MCTP1: variants seen among roughly 807,000 people sequenced by gnomAD.
The protein encoded by MCTP1 is multiple C2 and transmembrane domain containing 1, also known as multiple C2 and transmembrane domain-containing protein 1.
A neutral mutation model predicts 120.6 loss-of-function variants in MCTP1; 69 were observed. The observed-to-expected ratio is 0.57, with a 90% confidence interval of 0.47 to 0.70. The LOEUF is 0.70. Ranked by LOEUF, MCTP1 falls within the 30% of genes least tolerant of loss-of-function variation. The probability of loss-of-function intolerance (pLI) is 0.00; values close to 1 mark genes in which losing one functional copy is unlikely to be tolerated. For synonymous variants in MCTP1, 529 were observed against 493.1 expected (o/e 1.07, Z -0.96); for missense variants, 1,203 against 1,248.8 (o/e 0.96, Z 0.55).
Position 94,705,014 on chromosome 5 carries a change from GAATATA to G in MCTP1, c.*2476_*2481del, listed in dbSNP as rs917530691. ...ACAACGAATGTCAGTAATAGTTTATGAATATAAATAATGACTCAGTGAATTTACTCA... is the reference window on the plus strand; with the variant it reads ...ACAACGAATGTCAGTAATAGTTTATGAATAATGACTCAGTGAATTTACTCA... On this transcript the variant is annotated 3_prime_UTR_variant, in exon 23 of 23. Coordinates refer to ENST00000515393, the MANE Select transcript of MCTP1 (RefSeq NM_024717.7). 2 of 151,262 alleles carry G rather than the reference GAATATA, an allele frequency of 1.3e-5. No individual in the cohort carries two copies. The highest frequency in any genetic ancestry group is 4.8e-5 in the African/African-American group (2 of 41,296). The allele number at this position is 151,262 out of a possible 1,614,324, so 9.4% of individuals were successfully genotyped here.
At chr5:95,209,526 T>G (rs1448223317) in intron 1 of MCTP1, among the ~76,000 whole-genome samples, 1 of 152,182 alleles carries the variant, frequency 6.6e-6, no homozygotes, top group Non-Finnish European at 1.5e-5. Flanking sequence ...CAAGATTCCA[T>G]AGCACAACTT....
At chr5:94,776,424 G>C (rs1161523024) in intron 19 of MCTP1, among the ~76,000 whole-genome samples, 1 of 152,056 alleles carries the variant, frequency 6.6e-6, no homozygotes, top group African/African-American at 2.4e-5. Flanking sequence ...CTCTCATTCT[G>C]TGCCACGTAA....
intron 18 of MCTP1, among the ~76,000 whole-genome samples, chr5:94,786,357 TAA>T (rs1777681319): frequency 6.6e-6 from 1 of 152,196 alleles, no homozygotes; most frequent in Non-Finnish European, 1.5e-5. Context: ...CAAAAAATCA[TAA>T]AGTCAGAAAA....
chr5:94,930,295 A>G, intron 6 of MCTP1, among the ~76,000 whole-genome samples: 1 of 113,260 alleles, frequency 8.8e-6, no homozygotes, highest in African/African-American at 3.3e-5. Context: ...TTTTTTTGAG[A>G]CAGAGTCTCA....
At chr5:94,748,455 C>G (rs568398666) in intron 19 of MCTP1, among the ~76,000 whole-genome samples, 73 of 152,306 alleles carry the variant, frequency 4.8e-4, no homozygotes, top group African/African-American at 1.6e-3. Context: ...AACATTTTGA[C>G]ATGGTTAAAT....
At chr5:95,283,628 G>GATC (rs1448181034) in intron 1 of MCTP1, among the ~76,000 whole-genome samples, 9 of 152,252 alleles carry the variant, frequency 5.9e-5, no homozygotes, top group Admixed American at 4.6e-4. Flanking sequence ...AGCTTCTGGT[G>GATC]ACAGGTATCA....
chr5:94,977,980 AG>A (rs1391192233), intron 2 of MCTP1, among the ~76,000 whole-genome samples: 13 of 152,086 alleles, frequency 8.5e-5, no homozygotes, highest in African/African-American at 2.4e-5. Flanking sequence ...ATATCAGATA[AG>A]GGGTTAGTTT....
intron 1 of MCTP1, among the ~76,000 whole-genome samples, chr5:95,162,276 T>G (rs1005358581): frequency 3.9e-5 from 6 of 152,196 alleles, no homozygotes; most frequent in African/African-American, 1.4e-4. Flanking sequence ...TTTCACTTCT[T>G]TGAGAGACAA....
chr5:95,191,356 C>T (rs763171570), intron 1 of MCTP1, among the ~76,000 whole-genome samples: 11 of 151,918 alleles, frequency 7.2e-5, no homozygotes, highest in Non-Finnish European at 1.2e-4. Flanking sequence ...GAAACTTCTT[C>T]GAAGTGCCCC....
At chr5:95,045,558 A>C (rs192526758) in intron 1 of MCTP1, among the ~76,000 whole-genome samples, 273 of 152,286 alleles carry the variant, frequency 1.8e-3, no homozygotes, top group Non-Finnish European at 2.3e-3. Context: ...GAAGGGAACA[A>C]AAGCCTAGGC....
chr5:94,935,661 A>T (rs1393441976), intron 5 of MCTP1, among the ~76,000 whole-genome samples: 1 of 152,102 alleles, frequency 6.6e-6, no homozygotes, highest in African/African-American at 2.4e-5. Flanking sequence ...TTGAACTAAC[A>T]TCTTCAGTGC....
At chr5:95,024,437 T>C (rs1838819799) in intron 1 of MCTP1, among the ~76,000 whole-genome samples, 1 of 152,106 alleles carries the variant, frequency 6.6e-6, no homozygotes, top group Admixed American at 6.6e-5. Flanking sequence ...TCTCAACAAA[T>C]TAGTTATATA....
At chr5:94,708,311 T>C in intron 22 of MCTP1, 1 of 417,626 alleles carries the variant, frequency 2.4e-6, no homozygotes. Flanking sequence ...ATGCAACTGC[T>C]CTTTCTCCCA....
chr5:95,284,003 C>A lies in MCTP1; in HGVS notation c.573G>T (p.Ala191=), dbSNP rs778949421. Reference sequence around the variant, plus strand: ...AGGAGCTCTTCTGGTGGCACAAGTGCGCCCCGGGGCCCTGACGCCGTGCAC... The same window carrying A: ...AGGAGCTCTTCTGGTGGCACAAGTGAGCCCCGGGGCCCTGACGCCGTGCAC... ...DEGARRQGPG[A]HLCHQKSSSL... is the part of the protein sequence containing the mutation. The change falls in exon 1 of 23, where the codon GCG becomes GCT. Residue 191 remains alanine, a synonymous_variant. Coordinates refer to ENST00000515393, the MANE Select transcript of MCTP1 (RefSeq NM_024717.7). This position sits in a 1 kb window ranked among gnomAD's most constrained non-coding sequence, Gnocchi z 5.2. 1.6e-5 allele frequency: 23 copies of A among 1,470,382 alleles called. No individual in the cohort carries two copies. The East Asian group carries it at 6.1e-4, about 39-fold the overall frequency. 91.1% of individuals were successfully genotyped at this position (1,470,382 alleles called of 1,614,324 possible).
chr5:95,274,001 A>G (rs1256107796), intron 1 of MCTP1, among the ~76,000 whole-genome samples: 4 of 152,184 alleles, frequency 2.6e-5, no homozygotes, highest in Non-Finnish European at 5.9e-5. Context: ...TGGCCTCCAC[A>G]TGTTCTCCTG....
chr5:95,099,806 A>C (rs1451431944), intron 1 of MCTP1, among the ~76,000 whole-genome samples: 1 of 149,428 alleles, frequency 6.7e-6, no homozygotes, highest in Non-Finnish European at 1.5e-5. Flanking sequence ...TCATGCTGCT[A>C]TAAAGACACA....
At chr5:95,047,955 G>C (rs1039302658) in intron 1 of MCTP1, among the ~76,000 whole-genome samples, 9 of 152,152 alleles carry the variant, frequency 5.9e-5, no homozygotes, top group African/African-American at 2.4e-5. Context: ...ATGTAATAAG[G>C]TGTTAAGTAG....
chr5:95,094,764 TAAC>T (rs1225876224), intron 1 of MCTP1, among the ~76,000 whole-genome samples: 2 of 152,120 alleles, frequency 1.3e-5, no homozygotes, highest in African/African-American at 4.8e-5. Flanking sequence ...AAGCATAAAA[TAAC>T]AAGCAATTCT....
At chr5:94,827,101 C>T (rs780390153) in intron 17 of MCTP1, among the ~76,000 whole-genome samples, 25 of 152,064 alleles carry the variant, frequency 1.6e-4, no homozygotes, top group Non-Finnish European at 2.6e-4. Context: ...TTGCAGTGGC[C>T]GGTTCTGGTT....
Sources: gnomAD v4.1 joint callset for allele counts (sites outside exome capture counted in the v4.1 genomes callset) on GRCh38, gnomAD v4.1.1 for gene constraint, Gnocchi (gnomAD v3.1) non-coding constraint, MANE v1.5 for transcripts, NCBI Gene and HGNC (gene_info 2026-07-23, HGNC 2026-07-21) for gene names.